The following ZRANB3 variants were observed in gnomAD, a reference collection of about 807,000 sequenced individuals.
The protein encoded by ZRANB3 is DNA annealing helicase and endonuclease ZRANB3.
In ZRANB3, 125 loss-of-function variants were observed where a neutral mutation model predicts 133.8. The ratio of observed to expected loss-of-function variants is 0.93; its 90% CI spans 0.81 to 1.08. The LOEUF is 1.08. ZRANB3 is among the 50% of genes least tolerant of loss of function. The pLI is 0.00. For missense variants in ZRANB3, 1,229 were observed against 1,275.5 expected, an observed-to-expected ratio of 0.96 and a Z score of 0.56; for synonymous variants, 387 against 432.7, an observed-to-expected ratio of 0.89 and a Z score of 1.31.
At chr2:135,296,182 T>G (rs1682075446) in intron 8 of ZRANB3, among the ~76,000 whole-genome samples, 1 of 152,234 alleles carries the variant, frequency 6.6e-6, no homozygotes, top group Non-Finnish European at 1.5e-5. Context: ...TTTTCCAACT[T>G]GGTTCCATTC....
intron 2 of ZRANB3, among the ~76,000 whole-genome samples, chr2:135,416,767 A>T (rs1688593135): frequency 6.6e-6 from 1 of 152,206 alleles, no homozygotes; most frequent in African/African-American, 2.4e-5. Context: ...AGAGATATAG[A>T]TCAATGGAAG....
At chr2:135,289,979 A>G (rs1681603040) in intron 8 of ZRANB3, among the ~76,000 whole-genome samples, 1 of 152,222 alleles carries the variant, frequency 6.6e-6, no homozygotes, top group Admixed American at 6.5e-5. Flanking sequence ...GGTCTACCTT[A>G]GAGAATGTTC....
intron 3 of ZRANB3, among the ~76,000 whole-genome samples, chr2:135,357,495 C>G (rs112720489): frequency 0.044 from 6,764 of 152,244 alleles, 502 homozygotes; most frequent in African/African-American, 0.16. Context: ...GGGGTTTCGC[C>G]ATGTTGGCCA....
At chr2:135,241,882 TA>T (rs1185609741) in intron 12 of ZRANB3, among the ~76,000 whole-genome samples, 1 of 151,992 alleles carries the variant, frequency 6.6e-6, no homozygotes, top group East Asian at 1.9e-4. Context: ...TTGGAGTTCA[TA>T]AGAGAGACAA....
intron 8 of ZRANB3, among the ~76,000 whole-genome samples, chr2:135,298,578 T>C (rs1321576893): frequency 1.3e-5 from 2 of 152,036 alleles, no homozygotes; most frequent in Non-Finnish European, 2.9e-5. Context: ...ACTGCAGTGA[T>C]TGTTATTGCT....
intron 2 of ZRANB3, among the ~76,000 whole-genome samples, chr2:135,415,840 G>A (rs1021267956): frequency 2.1e-4 from 32 of 152,074 alleles, no homozygotes; most frequent in Non-Finnish European, 4.4e-5. Context: ...CATATAAACA[G>A]AACCAAAGAC....
Position 135,442,050 on chromosome 2 carries a change from T to C in ZRANB3, c.162-51230A>G, listed in dbSNP as rs138873963. ...ACCTTATATAAAAATTAACTCAAGA[T>C]GGATTAAAGACTTAAATATAAGACC... On this transcript the variant is annotated intron_variant, in intron 2 of 20. Transcript: ENST00000264159. 5.7e-3 allele frequency among the ~76,000 whole-genome samples: 861 copies of C among 152,250 alleles called. 7 individuals are homozygous for C. Among genetic ancestry groups the C allele is most frequent in the African/African-American group, 0.02 (818 of 41,544 alleles).
In ZRANB3 at chr2:135,369,796, G is replaced by A. The variant is rs530746401; in HGVS notation, c.181-16168C>T. Among the ~76,000 whole-genome samples, 19 of 152,052 alleles carry A rather than the reference G, an allele frequency of 1.2e-4. No homozygotes were observed. The South Asian group carries it at 2.5e-3, about 20-fold the overall frequency. On this transcript the variant is annotated intron_variant, in intron 3 of 20. Transcript: ENST00000264159. ...TCAGTCAATAAACTCCTCAATTTTC[G>A]TTTTTTCAATGCTGGTTTTCTACTT...
intron 17 of ZRANB3, among the ~76,000 whole-genome samples, chr2:135,209,431 G>A (rs964563334): frequency 6.6e-6 from 1 of 152,150 alleles, no homozygotes; most frequent in Non-Finnish European, 1.5e-5. Context: ...GTGTATCAGT[G>A]TTTGGGTAAA....
intron 1 of ZRANB3, among the ~76,000 whole-genome samples, chr2:135,516,069 C>T (rs1693684897): frequency 6.6e-6 from 1 of 151,656 alleles, no homozygotes; most frequent in African/African-American, 2.4e-5. Context: ...GGTTTAAAGT[C>T]TGTTTTACCA....
chr2:135,318,820 A>G (rs1340412563), intron 6 of ZRANB3, among the ~76,000 whole-genome samples: 6 of 152,132 alleles, frequency 3.9e-5, no homozygotes, highest in African/African-American at 1.4e-4. Context: ...AATAGCTCCC[A>G]CTTCATAGCA....
At chr2:135,435,815 T>G (rs1020546995) in intron 2 of ZRANB3, among the ~76,000 whole-genome samples, 1 of 152,218 alleles carries the variant, frequency 6.6e-6, no homozygotes. Flanking sequence ...TCATGTCCTT[T>G]GCCCACTTTT....
rs796231129 is a variant in ZRANB3 at position 135,462,489 on chromosome 2, T to C, written c.161+41840A>G. ...CTCTTCTGAGGCAACTTTCATATTA[T>C]AATAATTTTTCCTTAACTCTGTCCT... On this transcript the variant is annotated intron_variant, in intron 2 of 20. Transcript: ENST00000264159. 9.8e-5 allele frequency among the ~76,000 whole-genome samples: 15 copies of C among 152,312 alleles called. 1 individual carries two copies. Among genetic ancestry groups the C allele is most frequent in the African/African-American group, 3.6e-4 (15 of 41,576 alleles).
At position 135,292,353 on chromosome 2, in the gene ZRANB3, T is replaced by C. The variant is rs898805566; in HGVS notation, c.967-16598A>G. On this transcript the variant is annotated intron_variant, in intron 8 of 20. Coordinates refer to ENST00000264159, the MANE Select transcript of ZRANB3 (RefSeq NM_032143.4). The stretch of plus-strand genomic sequence containing the variant: ...GCATTTCTCTGATGGCCAGTGATGA[T>C]GAGCATTTTTTCATGTGTCTTTTGG... Among the ~76,000 whole-genome samples the C allele has an allele frequency of 2.2e-4, 33 of 152,336 alleles. 1 individual carries two copies. The highest frequency in any genetic ancestry group is 6.5e-4 in the Admixed American group (10 of 15,306).
chr2:135,430,724 A>C (rs904470411), intron 2 of ZRANB3, among the ~76,000 whole-genome samples: 1 of 152,206 alleles, frequency 6.6e-6, no homozygotes, highest in Non-Finnish European at 1.5e-5. Flanking sequence ...AGATATATAG[A>C]TTAATCAAAC....
At chr2:135,302,672 C>G (rs1008539987) in intron 8 of ZRANB3, among the ~76,000 whole-genome samples, 1 of 151,878 alleles carries the variant, frequency 6.6e-6, no homozygotes, top group African/African-American at 2.4e-5. Context: ...ACTACAGGCA[C>G]GCACCACCAC....
chr2:135,246,503 C>T (rs1695808799), intron 12 of ZRANB3, among the ~76,000 whole-genome samples: 1 of 151,916 alleles, frequency 6.6e-6, no homozygotes, highest in Non-Finnish European at 1.5e-5. Context: ...AGAATGCTTC[C>T]CAAAAAAATG....
chr2:135,261,559 A>G (rs1415389240), intron 12 of ZRANB3, among the ~76,000 whole-genome samples: 2 of 152,240 alleles, frequency 1.3e-5, no homozygotes, highest in African/African-American at 4.8e-5. Context: ...AGACAACACT[A>G]AACTATGAAA....
chr2:135,445,445 TA>T (rs1378804098), intron 2 of ZRANB3, among the ~76,000 whole-genome samples: 3 of 150,844 alleles, frequency 2.0e-5, no homozygotes, highest in Admixed American at 2.0e-4. Flanking sequence ...TCCATCTAAA[TA>T]AATAAGTAAA....
Sources: allele counts gnomAD v4.1 joint callset (sites outside exome capture counted in the v4.1 genomes callset), GRCh38; gene constraint gnomAD v4.1.1; transcripts MANE v1.5; gene names NCBI Gene and HGNC (gene_info 2026-07-23, HGNC 2026-07-21).